The following RAPGEF5 variants were observed in gnomAD, a reference collection of about 807,000 sequenced individuals.
The protein encoded by RAPGEF5 is M-Ras-regulated GEF.
RAPGEF5 carries 65 observed loss-of-function variants against 125.2 expected under a neutral mutation model. The observed-to-expected ratio is 0.52, with a 90% CI of 0.43 to 0.64. The LOEUF (loss-of-function observed/expected upper bound fraction) is 0.64, where lower values mean the gene tolerates loss of function less well. Ranked by LOEUF, RAPGEF5 falls within the 30% of genes least tolerant of loss-of-function variation. The pLI is 0.00. For synonymous variants in RAPGEF5, 391 were observed against 385.9 expected, an observed-to-expected ratio of 1.01 and a Z score of -0.16; for missense variants, 958 against 1,048.1, an observed-to-expected ratio of 0.91 and a Z score of 1.19.
chr7:22,317,225 A>G (rs1783619745), intron 2 of RAPGEF5, among the ~76,000 whole-genome samples: 2 of 150,116 alleles, frequency 1.3e-5, no homozygotes, highest in Admixed American at 1.3e-4. Flanking sequence ...TAGCCTAAAA[A>G]ATGCAACTTT....
At chr7:22,208,064 G>A (rs73683322) in intron 9 of RAPGEF5, among the ~76,000 whole-genome samples, 1 of 151,998 alleles carries the variant, frequency 6.6e-6, no homozygotes, top group Non-Finnish European at 1.5e-5. Flanking sequence ...TTCCTGTCTG[G>A]GTTTTCACAT....
chr7:22,267,054 A>C, intron 6 of RAPGEF5, 42 bp from the exon 7 acceptor site: 1 of 1,543,662 alleles, frequency 6.5e-7, no homozygotes, highest in Non-Finnish European at 8.9e-7. Context: ...AGAAGAAGAA[A>C]AATGTAGCCA....
At chr7:22,354,576 C>G (rs1456175929) in intron 1 of RAPGEF5, among the ~76,000 whole-genome samples, 1 of 152,116 alleles carries the variant, frequency 6.6e-6, no homozygotes, top group East Asian at 1.9e-4. Flanking sequence ...CTACAAAATT[C>G]TTATGTTGAA....
rs566484352 is a variant in RAPGEF5, at chr7:22,279,610, A to G, written c.747+11565T>C. On this transcript the variant is annotated intron_variant, in intron 6 of 25. Transcript: ENST00000665637. ...CCCCCACAGATTCCATTAGTCCTGA[A>G]GCAGCAAAATTCTGTAAAACCATGT... is the stretch of plus-strand genomic sequence containing the variant. Among the ~76,000 whole-genome samples, 21 of 152,306 alleles carry G rather than the reference A, an allele frequency of 1.4e-4. No individual in the cohort carries two copies. The South Asian group carries it at 4.4e-3, about 32-fold the overall frequency.
chr7:22,276,750 T>A (rs1208815206), intron 6 of RAPGEF5, among the ~76,000 whole-genome samples: 1 of 152,186 alleles, frequency 6.6e-6, no homozygotes, highest in African/African-American at 2.4e-5. Context: ...TTCCTGACGG[T>A]GGGGTGGAGT....
At chr7:22,230,687 G>GA (rs1188126037) in intron 8 of RAPGEF5, among the ~76,000 whole-genome samples, 159 bp downstream of exon 8, 1 of 152,140 alleles carries the variant, frequency 6.6e-6, no homozygotes, top group Non-Finnish European at 1.5e-5. Context: ...CCCTTTGTGT[G>GA]AAATACCTTT....
chr7:22,283,528 C>G (rs1469940034), intron 6 of RAPGEF5, among the ~76,000 whole-genome samples: 1 of 152,098 alleles, frequency 6.6e-6, no homozygotes, highest in Non-Finnish European at 1.5e-5. Context: ...ATAAGAAGTT[C>G]TATTTTAAAG....
chr7:22,131,142 T>C (rs1262368137), intron 23 of RAPGEF5, 41 bp from the exon 24 acceptor site: 1 of 1,505,416 alleles, frequency 6.6e-7, no homozygotes, highest in African/African-American at 1.4e-5. Flanking sequence ...TCATTAGGAA[T>C]GGATCATGAG....
In RAPGEF5 at chr7:22,291,231, T is replaced by C; in HGVS notation, c.691A>G (p.Lys231Glu). 2.6e-6 allele frequency: 4 copies of C among 1,555,548 alleles called. No homozygotes were observed. Among genetic ancestry groups the C allele is most frequent in the East Asian group, 2.3e-5 (1 of 42,788 alleles). The change falls in exon 6 of 26, where the codon AAA (lysine) becomes GAA (glutamate). Residue 231 changes from lysine to glutamate, a missense_variant. Physicochemically the swap from Lys to Glu is moderately conservative, Grantham distance 56. Coordinates refer to ENST00000665637, the MANE Select transcript of RAPGEF5 (RefSeq NM_012294.5). ...RGGICELSHQ[K>E]IEDSEESSDE... ...CTGCTTTCTTCGGAGTCTTCAATTT[T>C]CTGATGAGACCTAAAAAAAAAAAAA...
chr7:22,118,333 A>T lies in RAPGEF5; in HGVS notation c.*4073T>A, dbSNP rs1782464740. 1 of 135,174 alleles carries T rather than the reference A, an allele frequency of 7.4e-6. No individual in the cohort carries two copies. The highest frequency in any genetic ancestry group is 7.2e-5 in the Admixed American group (1 of 13,896). 8.4% of individuals were successfully genotyped at this position (135,174 alleles called of 1,614,324 possible). On this transcript the variant is annotated 3_prime_UTR_variant, in exon 26 of 26. Transcript: ENST00000665637. ...TCTTTAACATAGTCTCATATTTGGA[A>T]AAGCAGTTTTAAAAAAAAATTGAAA... is the stretch of plus-strand genomic sequence containing the variant.
chr7:22,287,609 C>T (rs1323106998), intron 6 of RAPGEF5, among the ~76,000 whole-genome samples: 1 of 152,194 alleles, frequency 6.6e-6, no homozygotes, highest in Non-Finnish European at 1.5e-5. Flanking sequence ...ACACTGGCAA[C>T]TCTGCATTAC....
At chr7:22,281,174 T>A (rs545565645) in intron 6 of RAPGEF5, among the ~76,000 whole-genome samples, 1 of 152,376 alleles carries the variant, frequency 6.6e-6, no homozygotes, top group South Asian at 2.1e-4. Flanking sequence ...TGGGTCTTCC[T>A]ATTCTTATCC....
At chr7:22,258,195 T>C (rs1264799954) in intron 7 of RAPGEF5, among the ~76,000 whole-genome samples, 3 of 152,134 alleles carry the variant, frequency 2.0e-5, no homozygotes, top group African/African-American at 7.2e-5. Flanking sequence ...GAAGTTTTTA[T>C]GGAGAGAGAA....
intron 24 of RAPGEF5, among the ~76,000 whole-genome samples, chr7:22,130,626 C>T (rs902686493): frequency 1.3e-5 from 2 of 152,156 alleles, no homozygotes; most frequent in African/African-American, 4.8e-5. Context: ...CTTTTTCCCT[C>T]TGTGCCTTGA....
At chr7:22,218,633 G>A (rs932455099) in intron 9 of RAPGEF5, among the ~76,000 whole-genome samples, 7 of 152,050 alleles carry the variant, frequency 4.6e-5, no homozygotes, top group African/African-American at 1.2e-4. Flanking sequence ...AATTTAAGCT[G>A]CACACTAGGA....
At chr7:22,213,071 T>A (rs1785547496) in intron 9 of RAPGEF5, among the ~76,000 whole-genome samples, 2 of 152,212 alleles carry the variant, frequency 1.3e-5, no homozygotes, top group African/African-American at 4.8e-5. Flanking sequence ...TGTTCTTGAT[T>A]GAGCCTTTTA....
chr7:22,337,459 G>C (rs561483688), intron 1 of RAPGEF5, among the ~76,000 whole-genome samples: 1 of 152,206 alleles, frequency 6.6e-6, no homozygotes, highest in African/African-American at 2.4e-5. Flanking sequence ...CTCCAAAACG[G>C]CTGATAATTG....
At chr7:22,268,605 T>A (rs1253819581) in intron 6 of RAPGEF5, among the ~76,000 whole-genome samples, 1 of 152,062 alleles carries the variant, frequency 6.6e-6, no homozygotes, top group Non-Finnish European at 1.5e-5. Flanking sequence ...TTCACAAGGG[T>A]CTTGTCAATG....
intron 5 of RAPGEF5, 31 bp from the exon 6 acceptor site, chr7:22,291,272 T>C: frequency 1.3e-6 from 2 of 1,511,826 alleles, no homozygotes; most frequent in Non-Finnish European, 1.8e-6. Flanking sequence ...AAATTACTTT[T>C]CAGTTTTAGT....
Sources: gnomAD v4.1 joint callset for allele counts (sites outside exome capture counted in the v4.1 genomes callset) on GRCh38, gnomAD v4.1.1 for gene constraint, MANE v1.5 for transcripts, NCBI Gene and HGNC (gene_info 2026-07-23, HGNC 2026-07-21) for gene names.